CYP4F2: variants seen among roughly 807,000 people sequenced by gnomAD.
The protein encoded by CYP4F2 is cytochrome P450 4F2.
A neutral mutation model predicts 58.9 loss-of-function variants in CYP4F2; 58 were observed. That is an observed-to-expected ratio of 0.98 (90% CI 0.80 to 1.23). The LOEUF is 1.23. CYP4F2 is among the 50% of genes most tolerant of loss of function. The pLI is 0.00. For missense variants in CYP4F2, 616 were observed against 685.6 expected (o/e 0.90, Z 1.13); for synonymous variants, 287 against 261.1 (o/e 1.10, Z -0.95).
chr19:15,882,014 G>A (rs2089348948), intron 9 of CYP4F2, among the ~76,000 whole-genome samples: 1 of 152,090 alleles, frequency 6.6e-6, no homozygotes, highest in African/African-American at 2.4e-5. Flanking sequence ...GGAGGCCAAG[G>A]GCGGCAGATC....
In CYP4F2 at chr19:15,897,399, T is replaced by G. The variant is rs761596975; in HGVS notation, c.198+15A>C. 1 of 1,429,728 alleles carries G rather than the reference T, an allele frequency of 7.0e-7. No individual in the cohort carries two copies. The highest frequency in any genetic ancestry group is 1.8e-5 in the Admixed American group (1 of 54,064). 88.6% of individuals were successfully genotyped at this position (1,429,728 alleles called of 1,614,324 possible). A position where few individuals can be genotyped will look rare whatever the true frequency, so the allele number is the denominator to read the frequency against. On this transcript the variant is annotated intron_variant, in intron 2 of 12. Coordinates refer to ENST00000221700, the MANE Select transcript of CYP4F2 (RefSeq NM_001082.5). ...TCCATCCTGAGACCTAGACCCATCC[T>G]GCTGCCACACTCACCATGCCCTGGT... is the stretch of plus-strand genomic sequence containing the variant.
chr19:15,896,317 C>T (rs1029360559), intron 2 of CYP4F2, among the ~76,000 whole-genome samples: 2 of 152,076 alleles, frequency 1.3e-5, no homozygotes, highest in Non-Finnish European at 2.9e-5. Flanking sequence ...CACATTCCTC[C>T]TGCTCTATCT....
At position 15,879,592 on chromosome 19, in the gene CYP4F2, G is replaced by A. The variant is rs2144999312; in HGVS notation, c.1314+12C>T. On this transcript the variant is annotated intron_variant, in intron 11 of 12. Transcript: ENST00000221700. ...CTTGGAATGGACAAAAACAGAGAGA[G>A]GGGCCCCGCACCTCAGGGTCCGGCC... 4 of 1,613,926 alleles carry A rather than the reference G, an allele frequency of 2.5e-6. No individual in the cohort carries two copies. In the South Asian group the frequency reaches 3.3e-5, roughly 13 times the overall value.
In CYP4F2 at chr19:15,886,228, A is replaced by G; in HGVS notation, c.985+14T>C. On this transcript the variant is annotated intron_variant, in intron 8 of 12. Coordinates refer to ENST00000221700, the MANE Select transcript of CYP4F2 (RefSeq NM_001082.5). The stretch of plus-strand genomic sequence containing the variant: ...ATCCCGGTCCCCTCTCTAGCCCCAC[A>G]CTGGGGCCCTCACCCTCAAACATAA... 6.2e-7 allele frequency: 1 copy of G among 1,613,948 alleles called. No homozygotes were observed.
intron 7 of CYP4F2, among the ~76,000 whole-genome samples, chr19:15,887,209 G>T (rs73519200): frequency 0.013 from 1,926 of 148,116 alleles, 33 homozygotes; most frequent in African/African-American, 0.045. Context: ...CACACATAAA[G>T]TCACAGACTT....
intron 7 of CYP4F2, among the ~76,000 whole-genome samples, chr19:15,887,607 G>GAC (rs973523599): frequency 1.6e-4 from 24 of 150,070 alleles, no homozygotes; most frequent in African/African-American, 4.7e-4. Flanking sequence ...TATAGACACA[G>GAC]ACACACACAC....
At chr19:15,883,735 T>A (rs2089358720) in intron 9 of CYP4F2, among the ~76,000 whole-genome samples, 1 of 151,926 alleles carries the variant, frequency 6.6e-6, no homozygotes, top group South Asian at 2.1e-4. Flanking sequence ...AAATATGGAA[T>A]CAACCTAAGT....
chr19:15,889,730 A>G, intron 6 of CYP4F2, 37 bp from the exon 7 acceptor site: 9 of 1,605,696 alleles, frequency 5.6e-6, no homozygotes, highest in Middle Eastern at 1.7e-4. Flanking sequence ...CAACAATTTA[A>G]TATACCTGAA....
rs140102489 is a variant in CYP4F2 at position 15,895,576 on chromosome 19, C to A, written c.273G>T (p.Trp91Cys). 1.9e-6 allele frequency: 3 copies of A among 1,587,744 alleles called. No homozygotes were observed. Among genetic ancestry groups the A allele is most frequent in the African/African-American group, 1.4e-5 (1 of 73,008 alleles). ...VATYPQGFKV[W>C]MGPISPLLSL... is the part of the protein sequence containing the mutation. ...TGAGGAGGGGGGAGATGGGTCCCAT[C>A]CAGACCTTAAAGCCCTGGGGGTAGG... Residue 91 changes from tryptophan to cysteine, a missense_variant, in exon 3 of 13, where the codon TGG becomes TGT. Physicochemically the swap from Trp to Cys is radical, Grantham distance 215. Coordinates refer to ENST00000221700, the MANE Select transcript of CYP4F2 (RefSeq NM_001082.5).
At position 15,897,606 on chromosome 19, in the gene CYP4F2, G is replaced by A; in HGVS notation, c.6C>T (p.Ser2=). The change falls in exon 2 of 13, where the codon TCC becomes TCT. Residue 2 remains serine, a synonymous_variant. Coordinates refer to ENST00000221700, the MANE Select transcript of CYP4F2 (RefSeq NM_001082.5). Reference sequence around the variant, plus strand: ...GGCCCAGCCAGGACAGGCTCAGCTGGGACATCCTGCAGGGCAGACGGGATG... The same window carrying A: ...GGCCCAGCCAGGACAGGCTCAGCTGAGACATCCTGCAGGGCAGACGGGATG... The part of the protein sequence containing the change: M[S]QLSLSWLGLW... The A allele has an allele frequency of 6.2e-7, 1 of 1,613,546 alleles. No individual in the cohort carries two copies. The highest frequency in any genetic ancestry group is 8.5e-7 in the Non-Finnish European group (1 of 1,179,842).
In CYP4F2 at chr19:15,879,824, C is replaced by T. The variant is rs781256261; in HGVS notation, c.1189G>A (p.Val397Ile). 15 of 1,614,062 alleles carry T rather than the reference C, an allele frequency of 9.3e-6. No individual in the cohort carries two copies. Among genetic ancestry groups the T allele is most frequent in the Non-Finnish European group, 1.3e-5 (15 of 1,180,012 alleles). The change falls in exon 10 of 13, where the codon GTC (valine) becomes ATC (isoleucine). Residue 397 changes from valine to isoleucine, a missense_variant. Val to Ile is a conservative substitution (Grantham distance 29, BLOSUM62 3). Coordinates refer to ENST00000221700, the MANE Select transcript of CYP4F2 (RefSeq NM_001082.5). ...TCCTGGGTGACATGGCGGGAGATGA[C>T]CGGGACTGGGGGATGCAGCCGCAGG... ...ESLRLHPPVP[V>I]ISRHVTQDIV...
chr19:15,897,322 AGCCCACCCCTTCAC>A, intron 2 of CYP4F2, 78 bp downstream of exon 2: 1 of 669,314 alleles, frequency 1.5e-6, no homozygotes, highest in Non-Finnish European at 2.5e-6. Context: ...CCCAGATCCC[AGCCCACCCCTTCAC>A]CCCCACTCCC....
At chr19:15,888,573 T>C (rs1259378011) in intron 7 of CYP4F2, among the ~76,000 whole-genome samples, 1 of 148,430 alleles carries the variant, frequency 6.7e-6, no homozygotes, top group Admixed American at 6.7e-5. Flanking sequence ...GACACACAAG[T>C]ACACATAAAC....
At chr19:15,891,059 G>A (rs779849857) in intron 5 of CYP4F2, among the ~76,000 whole-genome samples, 19 of 152,108 alleles carry the variant, frequency 1.2e-4, no homozygotes, top group South Asian at 2.1e-4. Context: ...GTAGTCCTTC[G>A]TTGAGTCCTG....
At position 15,878,510 on chromosome 19, in the gene CYP4F2, T is replaced by C. The variant is rs369283237; in HGVS notation, c.*261A>G. On this transcript the variant is annotated 3_prime_UTR_variant, in exon 13 of 13. Transcript: ENST00000221700. Reference sequence around the variant, plus strand: ...TATGGCTGTGTAATACTCCATTGTATGGATGGACCACATTTTGTTTATCCT... The same window carrying C: ...TATGGCTGTGTAATACTCCATTGTACGGATGGACCACATTTTGTTTATCCT... 28 of 595,246 alleles carry C rather than the reference T, an allele frequency of 4.7e-5. No individual in the cohort carries two copies. Among genetic ancestry groups the C allele is most frequent in the East Asian group, 3.2e-4 (10 of 31,736 alleles). The allele number at this position is 595,246 out of a possible 1,614,324, so 36.9% of individuals were successfully genotyped here.
chr19:15,896,301 T>C (rs1286477478), intron 2 of CYP4F2, among the ~76,000 whole-genome samples: 4 of 152,130 alleles, frequency 2.6e-5, no homozygotes, highest in Non-Finnish European at 5.9e-5. Flanking sequence ...TATCTATCTA[T>C]CTATCCACAT....
chr19:15,894,765 G>C (rs1482683523), intron 3 of CYP4F2, among the ~76,000 whole-genome samples: 1 of 152,118 alleles, frequency 6.6e-6, no homozygotes. Context: ...GCTCAGCCTC[G>C]CCCGTCCAAC....
chr19:15,892,672 C>T, intron 3 of CYP4F2, 90 bp from the exon 4 acceptor site: 1 of 1,548,800 alleles, frequency 6.5e-7, no homozygotes, highest in Admixed American at 1.9e-5. Flanking sequence ...GAGGTTTGCA[C>T]TTCTCCCACT....
intron 6 of CYP4F2, 81 bp from the exon 7 acceptor site, chr19:15,889,774 C>T (rs995266306): frequency 6.4e-7 from 1 of 1,568,930 alleles, no homozygotes; most frequent in Non-Finnish European, 8.7e-7. Flanking sequence ...CAGCCAGGAT[C>T]TACCTCCTAT....
Sources: gnomAD v4.1 joint callset for allele counts (sites outside exome capture counted in the v4.1 genomes callset) on GRCh38, gnomAD v4.1.1 for gene constraint, MANE v1.5 for transcripts, NCBI Gene and HGNC (gene_info 2026-07-23, HGNC 2026-07-21) for gene names.